PALM2AKAP2: variants seen among roughly 807,000 people sequenced by gnomAD.
PALM2AKAP2 encodes the protein PALM2 and AKAP2 fusion, also known as PALM2-AKAP2 fusion protein.
Under a neutral mutation model 71.5 loss-of-function variants are expected in PALM2AKAP2, and 37 were observed. That is an observed-to-expected ratio of 0.52 (90% CI 0.40 to 0.68). The LOEUF (loss-of-function observed/expected upper bound fraction) is 0.68, where lower values mean the gene tolerates loss of function less well. PALM2AKAP2 is among the 30% of genes least tolerant of loss of function. The pLI is 0.00. For synonymous variants in PALM2AKAP2, 468 were observed against 478.8 expected, an observed-to-expected ratio of 0.98 and a Z score of 0.29; for missense variants, 1,224 against 1,191.8, an observed-to-expected ratio of 1.03 and a Z score of -0.40.
At chr9:109,918,778 G>C (rs941622601) in intron 3 of PALM2AKAP2, among the ~76,000 whole-genome samples, 4 of 152,318 alleles carry the variant, frequency 2.6e-5, no homozygotes, top group Admixed American at 6.5e-5. Context: ...GGCCACATGT[G>C]AACTTATAGA....
chr9:109,785,330 A>G (rs1033962772), intron 1 of PALM2AKAP2, among the ~76,000 whole-genome samples: 1 of 152,170 alleles, frequency 6.6e-6, no homozygotes, highest in South Asian at 2.1e-4. Context: ...TGTATATGCT[A>G]CCTTCTTCCT....
chr9:110,147,921 T>G (rs1836218680), intron 2 of PALM2AKAP2, among the ~76,000 whole-genome samples: 1 of 152,208 alleles, frequency 6.6e-6, no homozygotes, highest in Non-Finnish European at 1.5e-5. Flanking sequence ...TTCCTTAGAA[T>G]TAACATTTCT....
At chr9:110,001,389 C>G (rs1832678098) in intron 6 of PALM2AKAP2, among the ~76,000 whole-genome samples, 1 of 152,126 alleles carries the variant, frequency 6.6e-6, no homozygotes, top group African/African-American at 2.4e-5. Flanking sequence ...GTTTTGGTAC[C>G]AGTACCATGC....
rs1337841026 is a variant in PALM2AKAP2 at position 110,094,475 on chromosome 9, G to GT, written c.157-41651dup. 2.0e-5 allele frequency among the ~76,000 whole-genome samples: 3 copies of GT among 152,206 alleles called. No individual in the cohort carries two copies. In the East Asian group the frequency reaches 5.8e-4, roughly 29 times the overall value. On this transcript the variant is annotated intron_variant, in intron 1 of 3. Coordinates refer to ENST00000374525, the Ensembl canonical transcript of PALM2AKAP2. ...TAACTGGCTCATGATTCCACAGGCT[G>GT]TATAGGAGGCATGGTTCTGGTATCC...
intron 1 of PALM2AKAP2, among the ~76,000 whole-genome samples, chr9:109,838,656 G>T (rs910340603): frequency 3.3e-5 from 5 of 152,098 alleles, no homozygotes; most frequent in African/African-American, 1.2e-4. Flanking sequence ...AGAAAAGAGA[G>T]AAGAATCAAA....
At chr9:109,703,418 A>G (rs771949943) in intron 1 of PALM2AKAP2, among the ~76,000 whole-genome samples, 5 of 152,092 alleles carry the variant, frequency 3.3e-5, no homozygotes, top group Non-Finnish European at 5.9e-5. Flanking sequence ...AAATATATTT[A>G]TTGCATACCC....
chr9:109,888,711 CAAAAAA>C (rs34495775), intron 3 of PALM2AKAP2, among the ~76,000 whole-genome samples: 3 of 98,828 alleles, frequency 3.0e-5, no homozygotes, highest in African/African-American at 1.2e-4. Context: ...ATTTTGCCTC[CAAAAAA>C]AAAAAAAAAA....
At chr9:109,801,716 GTGTGTGTGTGTGTT>G (rs1468858885) in intron 1 of PALM2AKAP2, among the ~76,000 whole-genome samples, 12 of 151,950 alleles carry the variant, frequency 7.9e-5, no homozygotes, top group Admixed American at 7.2e-4. Flanking sequence ...ATATGTGTGT[GTGTGTGTGTGTGTT>G]TGTGTGTGTG....
At chr9:110,022,417 A>G (rs1378713606) in intron 7 of PALM2AKAP2, among the ~76,000 whole-genome samples, 2 of 151,804 alleles carry the variant, frequency 1.3e-5, no homozygotes, top group Non-Finnish European at 1.5e-5. Flanking sequence ...ACAAAGACCA[A>G]CTCTTGCAGG....
At chr9:110,017,107 C>T (rs1832996564) in intron 7 of PALM2AKAP2, among the ~76,000 whole-genome samples, 1 of 152,206 alleles carries the variant, frequency 6.6e-6, no homozygotes, top group Non-Finnish European at 1.5e-5. Context: ...TCTCGATCTC[C>T]TGACCTCGAG....
At chr9:110,086,194 A>G (rs1032554270) in intron 1 of PALM2AKAP2, among the ~76,000 whole-genome samples, 2 of 152,104 alleles carry the variant, frequency 1.3e-5, no homozygotes, top group Admixed American at 6.5e-5. Flanking sequence ...TTGTTTGACA[A>G]TTTAACTCTT....
At chr9:110,150,430 C>T (rs938626500) in intron 2 of PALM2AKAP2, among the ~76,000 whole-genome samples, 2 of 152,196 alleles carry the variant, frequency 1.3e-5, no homozygotes, top group East Asian at 3.9e-4. Flanking sequence ...CATTCCTTGG[C>T]TCATGGCCCC....
chr9:109,946,993 A>C (rs2132062095), intron 6 of PALM2AKAP2, among the ~76,000 whole-genome samples: 1 of 152,356 alleles, frequency 6.6e-6, no homozygotes, highest in South Asian at 2.1e-4. Context: ...TCCTTGCATA[A>C]GCAAAAAAAT....
intron 5 of PALM2AKAP2, among the ~76,000 whole-genome samples, chr9:109,927,339 C>T (rs1388169107): frequency 1.3e-5 from 2 of 152,146 alleles, no homozygotes; most frequent in East Asian, 1.9e-4. Context: ...ATTTCAAAGG[C>T]CCCGAGTTGC....
At chr9:109,757,520 C>G (rs566043207) in intron 1 of PALM2AKAP2, among the ~76,000 whole-genome samples, 4 of 152,152 alleles carry the variant, frequency 2.6e-5, no homozygotes, top group African/African-American at 9.6e-5. Flanking sequence ...CTGCCCCATA[C>G]AGAAGTTCAA....
chr9:110,001,472 G>C (rs542523034), intron 6 of PALM2AKAP2, among the ~76,000 whole-genome samples: 15 of 152,246 alleles, frequency 9.9e-5, no homozygotes, highest in Admixed American at 2.6e-4. Context: ...TGTTCTTTTG[G>C]CTTAGGATTG....
At chr9:109,702,791 T>C (rs1192112719) in intron 1 of PALM2AKAP2, among the ~76,000 whole-genome samples, 1 of 151,032 alleles carries the variant, frequency 6.6e-6, no homozygotes, top group Non-Finnish European at 1.5e-5. Context: ...GGCATGATGA[T>C]GTAACTTTTG....
At chr9:109,942,381 A>G (rs766506336) in intron 6 of PALM2AKAP2, among the ~76,000 whole-genome samples, 1 of 152,246 alleles carries the variant, frequency 6.6e-6, no homozygotes, top group Non-Finnish European at 1.5e-5. Flanking sequence ...GCCAGCCTCC[A>G]TGAAATTCTT....
chr9:109,954,512 G>A lies in PALM2AKAP2; in HGVS notation c.496+22484G>A, dbSNP rs1168131179. The stretch of plus-strand genomic sequence containing the variant: ...ATCACACTCTGGGGACTGTAGTGGG[G>A]TGGGGGGAGGGGGGAGGGATAGCAT... On this transcript the variant is annotated intron_variant, in intron 6 of 9. Coordinates refer to the PALM2AKAP2 transcript ENST00000302798. Among the ~76,000 whole-genome samples, 19 of 129,862 alleles carry A rather than the reference G, an allele frequency of 1.5e-4. No individual in the cohort carries two copies. In the Admixed American group the frequency reaches 1.5e-3, roughly 10 times the overall value. 85.2% of individuals were successfully genotyped at this position (129,862 alleles called of 152,430 possible). A position where few individuals can be genotyped will look rare whatever the true frequency, so the allele number is the denominator to read the frequency against.
Sources: gnomAD v4.1 joint callset for allele counts (sites outside exome capture counted in the v4.1 genomes callset) on GRCh38, gnomAD v4.1.1 for gene constraint, MANE v1.5 for transcripts, NCBI Gene and HGNC (gene_info 2026-07-23, HGNC 2026-07-21) for gene names.